SLC26A4: variants seen among roughly 807,000 people sequenced by gnomAD.
SLC26A4 encodes solute carrier family 26 member 4, also known as pendrin.
SLC26A4 carries 93 observed loss-of-function variants against 90.4 expected under a neutral mutation model. The ratio of observed to expected loss-of-function variants is 1.03; its 90% CI spans 0.87 to 1.22. The LOEUF is 1.22. SLC26A4 is among the 50% of genes most tolerant of loss of function. SLC26A4 has a pLI of 0.00. For missense variants in SLC26A4, 1,127 were observed against 946.2 expected (o/e 1.19, Z -2.51); for synonymous variants, 393 against 354.6 (o/e 1.11, Z -1.22).
rs568373240 is a variant in SLC26A4, at chr7:107,700,188, T to C, written c.1707+13T>C. 2.2e-6 allele frequency: 3 copies of C among 1,368,984 alleles called. No homozygotes were observed. In the East Asian group the frequency reaches 6.9e-5, roughly 31 times the overall value. The allele number at this position is 1,368,984 out of a possible 1,614,324, so 84.8% of individuals were successfully genotyped here. On this transcript the variant is annotated intron_variant, in intron 15 of 20. Coordinates refer to ENST00000644269, the MANE Select transcript of SLC26A4 (RefSeq NM_000441.2). ...TATCAAGTCCACAGTAAGTATTTTA[T>C]CCCTAGAAATTTGTTTTCTAACCTC...
chr7:107,706,808 G>T (rs965330087), intron 18 of SLC26A4, among the ~76,000 whole-genome samples: 3 of 152,160 alleles, frequency 2.0e-5, no homozygotes, highest in Admixed American at 6.5e-5. Context: ...TACTCACAAA[G>T]AGTTTCCAAA....
In SLC26A4 at chr7:107,661,703, T is replaced by C; in HGVS notation, c.62T>C (p.Met21Thr). ...CTCCCCGAGTACAGCTGCAGCTACA[T>C]GGTGTCGCGGCCGGTCTACAGCGAG... ...PQLPEYSCSY[M>T]VSRPVYSELA... Residue 21 changes from methionine (M) to threonine (T), a missense_variant, in exon 2 of 21, where the codon ATG (methionine) becomes ACG (threonine). Met to Thr is a moderately conservative substitution (Grantham distance 81, BLOSUM62 -1). Coordinates refer to ENST00000644269, the MANE Select transcript of SLC26A4 (RefSeq NM_000441.2). The surrounding 1 kb of genome is among the most constrained non-coding windows in gnomAD (Gnocchi z 5.1). The C allele has an allele frequency of 1.9e-6, 3 of 1,570,772 alleles. No individual in the cohort carries two copies. The highest frequency in any genetic ancestry group is 2.6e-6 in the Non-Finnish European group (3 of 1,162,008).
chr7:107,682,865 G>T (rs1342427687), intron 6 of SLC26A4, among the ~76,000 whole-genome samples: 1 of 152,064 alleles, frequency 6.6e-6, no homozygotes, highest in Admixed American at 6.6e-5. Flanking sequence ...TGTTTATAAT[G>T]ACATTTTTTC....
intron 10 of SLC26A4, among the ~76,000 whole-genome samples, chr7:107,691,057 A>G (rs1281723035): frequency 6.6e-6 from 1 of 151,680 alleles, no homozygotes; most frequent in Non-Finnish European, 1.5e-5. Flanking sequence ...TTTAGGAGTA[A>G]GAAGTGCATT....
chr7:107,678,476 A>G (rs1296995488), intron 6 of SLC26A4, among the ~76,000 whole-genome samples: 1 of 152,194 alleles, frequency 6.6e-6, no homozygotes, highest in African/African-American at 2.4e-5. Context: ...GTCTCATAGG[A>G]TTATGTTTAA....
intron 4 of SLC26A4, among the ~76,000 whole-genome samples, chr7:107,672,763 A>G (rs1314555592): frequency 2.6e-5 from 4 of 152,178 alleles, no homozygotes; most frequent in Admixed American, 1.3e-4. Context: ...TACCAAAACA[A>G]TTTAGAAGCT....
At chr7:107,704,307 C>T (rs1408456916) in intron 17 of SLC26A4, 24 bp from the exon 18 acceptor site, 1 of 1,089,998 alleles carries the variant, frequency 9.2e-7, no homozygotes, top group Non-Finnish European at 1.4e-6. Context: ...TTAATTGTTA[C>T]AAACTCTCCT....
intron 8 of SLC26A4, among the ~76,000 whole-genome samples, chr7:107,688,462 C>T (rs747683026): frequency 7.2e-5 from 11 of 152,260 alleles, no homozygotes; most frequent in Non-Finnish European, 1.5e-4. Flanking sequence ...TTTTGTCAAA[C>T]AGTAGTCATT....
intron 3 of SLC26A4, 101 bp downstream of exon 3, chr7:107,663,536 G>A: frequency 3.8e-6 from 5 of 1,309,044 alleles, no homozygotes; most frequent in Non-Finnish European, 5.5e-6. Flanking sequence ...ACCCTTCAAG[G>A]CCTGTATCTT....
rs754037719 is a variant in SLC26A4 at position 107,674,316 on chromosome 7, A to T, written c.568A>T (p.Ser190Cys). The T allele has an allele frequency of 2.5e-6, 4 of 1,613,920 alleles. No individual in the cohort carries two copies. Among genetic ancestry groups the T allele is most frequent in the Non-Finnish European group, 2.5e-6 (3 of 1,179,790 alleles). The change falls in exon 5 of 21, where the codon AGT becomes TGT. Residue 190 changes from serine to cysteine, a missense_variant. By Grantham distance (112) the Ser-to-Cys change is moderately radical. Transcript: ENST00000644269. ...ARDTARVLIA[S>C]ALTLLVGIIQ... ...AGATACAGCTAGAGTCCTGATTGCC[A>T]GTGCCCTGACTCTGCTGGTTGGAAT...
chr7:107,664,793 C>G (rs1198354491), intron 3 of SLC26A4, among the ~76,000 whole-genome samples: 2 of 152,150 alleles, frequency 1.3e-5, no homozygotes, highest in Non-Finnish European at 2.9e-5. Flanking sequence ...TGGCATTCTC[C>G]TCTGTCCCCT....
chr7:107,696,545 A>T (rs537600565), intron 13 of SLC26A4, among the ~76,000 whole-genome samples: 1 of 152,350 alleles, frequency 6.6e-6, no homozygotes, highest in South Asian at 2.1e-4. Context: ...AAAGTTACAT[A>T]ACCCAGAACA....
chr7:107,710,114 C>T lies in SLC26A4; in HGVS notation c.2150C>T (p.Thr717Ile). The T allele has an allele frequency of 6.2e-7, 1 of 1,609,944 alleles. No individual in the cohort carries two copies. The highest frequency in any genetic ancestry group is 1.3e-5 in the African/African-American group (1 of 74,958). ...TTTGACGACAACATTAGAAAGGACA[C>T]ATTCTTTTTGACGGTCCATGATGCT... ...GFFDDNIRKD[T>I]FFLTVHDAIL... Residue 717 changes from threonine (T) to isoleucine (I), a missense_variant, in exon 19 of 21, where the codon ACA becomes ATA. Coordinates refer to ENST00000644269, the MANE Select transcript of SLC26A4 (RefSeq NM_000441.2).
intron 18 of SLC26A4, among the ~76,000 whole-genome samples, chr7:107,706,001 G>A (rs146938865): frequency 2.2e-4 from 33 of 152,316 alleles, no homozygotes; most frequent in African/African-American, 6.5e-4. Flanking sequence ...GTCTTCATTG[G>A]AGTGTTGTAG....
chr7:107,707,666 A>C (rs893220194), intron 18 of SLC26A4, among the ~76,000 whole-genome samples: 3 of 152,232 alleles, frequency 2.0e-5, no homozygotes, highest in Non-Finnish European at 4.4e-5. Flanking sequence ...AATGTTATAT[A>C]ATTTTGGAAC....
intron 3 of SLC26A4, 126 bp downstream of exon 3, chr7:107,663,561 T>G: frequency 1.9e-6 from 2 of 1,038,400 alleles, no homozygotes; most frequent in Non-Finnish European, 3.0e-6. Flanking sequence ...GTAGAGCCCC[T>G]TAGTGGAGAG....
intron 18 of SLC26A4, among the ~76,000 whole-genome samples, chr7:107,707,837 AT>A (rs1231806298): frequency 6.6e-6 from 1 of 152,206 alleles, no homozygotes; most frequent in Non-Finnish European, 1.5e-5. Context: ...CCTCTGGAAC[AT>A]CCCAAAGTTA....
At chr7:107,666,763 G>C (rs1790727333) in intron 3 of SLC26A4, among the ~76,000 whole-genome samples, 2 of 152,154 alleles carry the variant, frequency 1.3e-5, no homozygotes, top group South Asian at 2.1e-4. Context: ...GAAATAAACT[G>C]AGGCAGGACT....
At chr7:107,678,581 A>G (rs771399924) in intron 6 of SLC26A4, among the ~76,000 whole-genome samples, 75 of 152,246 alleles carry the variant, frequency 4.9e-4, no homozygotes, top group Non-Finnish European at 2.4e-4. Flanking sequence ...AACCAAGTGC[A>G]GTCATTATGT....
Sources: allele counts gnomAD v4.1 joint callset (sites outside exome capture counted in the v4.1 genomes callset), GRCh38; gene constraint gnomAD v4.1.1; non-coding constraint Gnocchi (gnomAD v3.1); transcripts MANE v1.5; gene names NCBI Gene and HGNC (gene_info 2026-07-23, HGNC 2026-07-21).